BCL2: variants seen among roughly 807,000 people sequenced by gnomAD.
BCL2 encodes the protein apoptosis regulator Bcl-2.
Under a neutral mutation model 14.2 loss-of-function variants are expected in BCL2, and 1 was observed. That is an observed-to-expected ratio of 0.07 (90% CI 0.02 to 0.33). The LOEUF (loss-of-function observed/expected upper bound fraction) is 0.33, where lower values mean the gene tolerates loss of function less well. BCL2 is among the 10% of genes least tolerant of loss of function. The pLI, the probability that BCL2 is intolerant of heterozygous loss-of-function variation, is 0.99. For synonymous variants in BCL2, 151 were observed against 137.2 expected (o/e 1.10, Z -0.70); for missense variants, 247 against 305.9 (o/e 0.81, Z 1.44).
chr18:63,227,630 A>C (rs1239252084), intron 2 of BCL2, among the ~76,000 whole-genome samples: 2 of 152,230 alleles, frequency 1.3e-5, no homozygotes, highest in Non-Finnish European at 2.9e-5. Context: ...TGTGAGGCAG[A>C]ATAAGAAGAA....
chr18:63,135,975 C>G (rs1358982306), intron 2 of BCL2, among the ~76,000 whole-genome samples: 2 of 152,090 alleles, frequency 1.3e-5, no homozygotes, highest in Admixed American at 1.3e-4. Context: ...GAGGTTGTAT[C>G]TTAGTAGGTG....
intron 2 of BCL2, among the ~76,000 whole-genome samples, chr18:63,166,382 G>A (rs546546056): frequency 2.2e-4 from 34 of 152,284 alleles, no homozygotes; most frequent in Admixed American, 5.2e-4. Context: ...GGGCAGGGAC[G>A]GCGTCCCTGG....
At chr18:63,175,061 A>G (rs1915322496) in intron 2 of BCL2, among the ~76,000 whole-genome samples, 1 of 152,102 alleles carries the variant, frequency 6.6e-6, no homozygotes, top group African/African-American at 2.4e-5. Flanking sequence ...ACCTTCCTCA[A>G]ATATTATCGT....
chr18:63,248,576 C>T (rs146172126), intron 2 of BCL2, among the ~76,000 whole-genome samples: 20 of 152,266 alleles, frequency 1.3e-4, no homozygotes, highest in Non-Finnish European at 2.4e-4. Flanking sequence ...AGAATTTCTC[C>T]GTGGTGAACT....
intron 2 of BCL2, among the ~76,000 whole-genome samples, chr18:63,266,631 T>A (rs1334736221): frequency 2.0e-5 from 3 of 146,770 alleles, no homozygotes; most frequent in Admixed American, 6.9e-5. Flanking sequence ...TCTCTCTCTC[T>A]CTCTCTCACA....
At chr18:63,169,001 C>T (rs1474645047) in intron 2 of BCL2, among the ~76,000 whole-genome samples, 1 of 152,218 alleles carries the variant, frequency 6.6e-6, no homozygotes, top group African/African-American at 2.4e-5. Context: ...TGCTTATTGG[C>T]CTAACAGCAT....
At chr18:63,141,113 G>A (rs1423575300) in intron 2 of BCL2, among the ~76,000 whole-genome samples, 2 of 152,154 alleles carry the variant, frequency 1.3e-5, no homozygotes, top group Non-Finnish European at 2.9e-5. Context: ...TTCACCCCTG[G>A]GACCTTCAAT....
chr18:63,247,833 A>C (rs989715477), intron 2 of BCL2, among the ~76,000 whole-genome samples: 3 of 152,204 alleles, frequency 2.0e-5, no homozygotes, highest in African/African-American at 2.4e-5. Flanking sequence ...CATGCCCAAG[A>C]TGTCGTAAGA....
At chr18:63,251,602 G>A (rs1344271311) in intron 2 of BCL2, among the ~76,000 whole-genome samples, 34 of 148,072 alleles carry the variant, frequency 2.3e-4, no homozygotes, top group Admixed American at 1.4e-3. Context: ...CCGAGATCCC[G>A]CCACTGCACT....
intron 2 of BCL2, among the ~76,000 whole-genome samples, chr18:63,216,936 C>T (rs1365136840): frequency 6.6e-6 from 1 of 152,122 alleles, no homozygotes; most frequent in Non-Finnish European, 1.5e-5. Flanking sequence ...TGAGAACTGC[C>T]TTTTGTTAGA....
At chr18:63,199,564 A>T (rs1016826978) in intron 2 of BCL2, among the ~76,000 whole-genome samples, 1 of 151,550 alleles carries the variant, frequency 6.6e-6, no homozygotes, top group African/African-American at 2.4e-5. Flanking sequence ...CACAGATACC[A>T]CACAACACAC....
intron 2 of BCL2, among the ~76,000 whole-genome samples, chr18:63,204,198 T>A (rs1256146704): frequency 2.0e-5 from 3 of 152,184 alleles, no homozygotes; most frequent in Non-Finnish European, 4.4e-5. Flanking sequence ...AGACTGGAAA[T>A]AAACAGGTGT....
chr18:63,163,528 G>A (rs909441056), intron 2 of BCL2, among the ~76,000 whole-genome samples: 6 of 152,036 alleles, frequency 3.9e-5, no homozygotes, highest in Admixed American at 6.6e-5. Flanking sequence ...GGTGTAATAA[G>A]CAAGGTCTTA....
chr18:63,185,232 C>T (rs1376723863), intron 2 of BCL2, among the ~76,000 whole-genome samples: 1 of 152,170 alleles, frequency 6.6e-6, no homozygotes, highest in Non-Finnish European at 1.5e-5. Context: ...AATTGGGTGG[C>T]ATTAATCTTA....
At chr18:63,244,794 C>T (rs529151487) in intron 2 of BCL2, among the ~76,000 whole-genome samples, 132 of 152,260 alleles carry the variant, frequency 8.7e-4, no homozygotes, top group Non-Finnish European at 1.5e-3. Context: ...TTTCAGAGCC[C>T]GCTTTGGGCC....
In BCL2 at chr18:63,128,150, C is replaced by G. The variant is rs934006358; in HGVS notation, c.*475G>C. On this transcript the variant is annotated 3_prime_UTR_variant, in exon 3 of 3. Coordinates refer to ENST00000333681, the MANE Select transcript of BCL2 (RefSeq NM_000633.3). ...CAAAGAAATGCAAGTGAATGAACAC[C>G]TTCTCCCCAGCCTCCAGCAGCCAGA... 7 of 231,804 alleles carry G rather than the reference C, an allele frequency of 3.0e-5. No individual in the cohort carries two copies. The highest frequency in any genetic ancestry group is 1.1e-4 in the African/African-American group (5 of 45,276). 14.4% of individuals were successfully genotyped at this position (231,804 alleles called of 1,614,324 possible). A position where few individuals can be genotyped will look rare whatever the true frequency, so the allele number is the denominator to read the frequency against.
At chr18:63,128,857 C>A in intron 2 of BCL2, 98 bp from the exon 3 acceptor site, 1 of 646,142 alleles carries the variant, frequency 1.5e-6, no homozygotes, top group African/African-American at 1.8e-5. Flanking sequence ...CCAGGGCAGC[C>A]TGGGCACCTT....
intron 2 of BCL2, among the ~76,000 whole-genome samples, chr18:63,230,396 G>A (rs934860329): frequency 3.3e-5 from 5 of 152,076 alleles, no homozygotes; most frequent in African/African-American, 1.2e-4. Context: ...AAGAAAGTTA[G>A]AGAAAGGGCA....
chr18:63,264,221 CA>C (rs1233635012), intron 2 of BCL2, among the ~76,000 whole-genome samples: 1 of 152,186 alleles, frequency 6.6e-6, no homozygotes, highest in African/African-American at 2.4e-5. Context: ...TAAAGAACAA[CA>C]AAATGTTTTA....
Sources: gnomAD v4.1 joint callset for allele counts (sites outside exome capture counted in the v4.1 genomes callset) on GRCh38, gnomAD v4.1.1 for gene constraint, MANE v1.5 for transcripts, NCBI Gene and HGNC (gene_info 2026-07-23, HGNC 2026-07-21) for gene names.